Variants in MCFD2 observed in about 807,000 individuals in gnomAD.
MCFD2 encodes multiple coagulation factor deficiency 2, ER cargo receptor complex subunit, also known as multiple coagulation factor deficiency protein 2.
In MCFD2, 11 loss-of-function variants were observed where a neutral mutation model predicts 12.8. That is an observed-to-expected ratio of 0.86 (90% CI 0.54 to 1.42). MCFD2 has a LOEUF of 1.42. Ranked by LOEUF, MCFD2 falls within the 40% of genes most tolerant of loss-of-function variation. MCFD2 has a pLI of 0.00. For synonymous variants in MCFD2, 70 were observed against 68.1 expected, an observed-to-expected ratio of 1.03 and a Z score of -0.14; for missense variants, 191 against 178.6, an observed-to-expected ratio of 1.07 and a Z score of -0.40.
intron 1 of MCFD2, among the ~76,000 whole-genome samples, chr2:46,932,305 T>C (rs370489204): frequency 3.3e-5 from 5 of 152,028 alleles, no homozygotes; most frequent in East Asian, 3.9e-4. Flanking sequence ...GCCCCCACCA[T>C]ACTTGGCTAA....
chr2:46,938,861 A>G (rs1572663252), intron 1 of MCFD2, among the ~76,000 whole-genome samples: 1 of 152,160 alleles, frequency 6.6e-6, no homozygotes, highest in Admixed American at 6.5e-5. Context: ...AAATACAAAA[A>G]TTAGCTGAGC....
Position 46,902,712 on chromosome 2 carries a change from G to A in MCFD2, c.*2751C>T, listed in dbSNP as rs1255790114. 6.6e-6 allele frequency: 1 copy of A among 152,482 alleles called. No individual in the cohort carries two copies. Among genetic ancestry groups the A allele is most frequent in the Non-Finnish European group, 1.5e-5 (1 of 68,044 alleles). The allele number at this position is 152,482 out of a possible 1,614,324, so 9.4% of individuals were successfully genotyped here. A position where few individuals can be genotyped will look rare whatever the true frequency, so the allele number is the denominator to read the frequency against. On this transcript the variant is annotated 3_prime_UTR_variant, in exon 4 of 4. Coordinates refer to ENST00000319466, the MANE Select transcript of MCFD2 (RefSeq NM_139279.6). ...TCTGTGGCTAGGCTGACATTCTTAT[G>A]CTGTGGCTTTGAAATAGCCTAATAA...
intron 1 of MCFD2, among the ~76,000 whole-genome samples, chr2:46,933,190 C>T (rs2103848625): frequency 6.6e-6 from 1 of 152,162 alleles, no homozygotes; most frequent in African/African-American, 2.4e-5. Flanking sequence ...ACATAGAAGC[C>T]ACTAACAAGA....
At chr2:46,924,693 C>A (rs1669292892) in intron 1 of MCFD2, among the ~76,000 whole-genome samples, 1 of 152,056 alleles carries the variant, frequency 6.6e-6, no homozygotes, top group Admixed American at 6.6e-5. Context: ...GTGGTGCGAT[C>A]TCAGCACACT....
At chr2:46,910,236 G>A (rs924988933) in intron 1 of MCFD2, among the ~76,000 whole-genome samples, 1 of 152,162 alleles carries the variant, frequency 6.6e-6, no homozygotes, top group Non-Finnish European at 1.5e-5. Context: ...AGTATTACCC[G>A]CCAAGGGTCA....
In MCFD2 at chr2:46,921,168, C is replaced by A. The variant is rs906370761; in HGVS notation, c.-7-13199G>T. On this transcript the variant is annotated intron_variant, in intron 1 of 2. Coordinates refer to the MCFD2 transcript ENST00000409147. ...CTTTAGTATATTCATTATACTAGAG[C>A]TTTAAGCCGTTAGAGAACAAGATAT... 4.6e-5 allele frequency among the ~76,000 whole-genome samples: 7 copies of A among 152,208 alleles called. No homozygotes were observed. In the South Asian group the frequency reaches 1.5e-3, roughly 32 times the overall value.
Position 46,941,441 on chromosome 2 carries a change from C to T in MCFD2, c.-8+131G>A. 4 of 1,291,662 alleles carry T rather than the reference C, an allele frequency of 3.1e-6. No homozygotes were observed. Among genetic ancestry groups the T allele is most frequent in the Non-Finnish European group, 4.0e-6 (4 of 1,002,048 alleles). The allele number at this position is 1,291,662 out of a possible 1,614,324, so 80.0% of individuals were successfully genotyped here. On this transcript the variant is annotated intron_variant, in intron 1 of 2. Transcript: ENST00000409147. This position sits in a 1 kb window ranked among gnomAD's most constrained non-coding sequence, Gnocchi z 4.2. ...GCCCGGGCCCCGGCTGCCGTCTGCG[C>T]CCCCGTCGACCCCGCCCGCGAGTGC... is the stretch of plus-strand genomic sequence containing the variant.
Position 46,907,689 on chromosome 2 carries a change from G to A in MCFD2, c.309+121C>T. 9.2e-7 allele frequency: 1 copy of A among 1,081,884 alleles called. No homozygotes were observed. The highest frequency in any genetic ancestry group is 1.4e-6 in the Non-Finnish European group (1 of 714,082). The allele number at this position is 1,081,884 out of a possible 1,614,324, so 67.0% of individuals were successfully genotyped here. ...TGGGATTACAGATGCGAGCCATCAT[G>A]CCCAGTGGAGAAGCAGCACTCTTGG... On this transcript the variant is annotated intron_variant, in intron 3 of 3. Transcript: ENST00000319466. The surrounding 1 kb of genome is among the most constrained non-coding windows in gnomAD (Gnocchi z 4.1).
chr2:46,935,861 G>A (rs1200671649), intron 1 of MCFD2, among the ~76,000 whole-genome samples: 1 of 152,110 alleles, frequency 6.6e-6, no homozygotes, highest in Non-Finnish European at 1.5e-5. Flanking sequence ...AGGCTGAGGT[G>A]GGAGGATTGC....
chr2:46,935,498 C>CT (rs566493262), intron 1 of MCFD2, among the ~76,000 whole-genome samples: 59 of 152,340 alleles, frequency 3.9e-4, no homozygotes, highest in African/African-American at 1.3e-3. Context: ...TGCTATGACT[C>CT]TGTCAGGGTA....
chr2:46,933,064 A>T (rs1669797036), intron 1 of MCFD2, among the ~76,000 whole-genome samples: 1 of 152,186 alleles, frequency 6.6e-6, no homozygotes. Flanking sequence ...GTGGGTTGGG[A>T]TGGCTTCTCT....
At chr2:46,912,948 G>A (rs1668543252) in intron 1 of MCFD2, among the ~76,000 whole-genome samples, 1 of 152,122 alleles carries the variant, frequency 6.6e-6, no homozygotes, top group Non-Finnish European at 1.5e-5. Flanking sequence ...ATCTATCATG[G>A]AACTCATGGC....
At chr2:46,917,200 T>C, upstream of MCFD2, 2 of 701,224 alleles carry the variant, frequency 2.9e-6, no homozygotes, top group Non-Finnish European at 5.2e-6. Flanking sequence ...GTCTCCATGG[T>C]GCCCAGCTCG....
chr2:46,936,037 G>A (rs1669960106), intron 1 of MCFD2, among the ~76,000 whole-genome samples: 1 of 152,126 alleles, frequency 6.6e-6, no homozygotes, highest in Admixed American at 6.5e-5. Flanking sequence ...GCTGCAGTGA[G>A]CTATGATTGC....
upstream of MCFD2, among the ~76,000 whole-genome samples, chr2:46,918,262 C>A (rs543395396): frequency 6.6e-6 from 1 of 152,352 alleles, no homozygotes; most frequent in Admixed American, 6.5e-5. Context: ...ATTCTACGAG[C>A]TGTTTTTGAT....
In MCFD2 at chr2:46,940,627, T is replaced by C. The variant is rs1670248124; in HGVS notation, c.-8+945A>G. On this transcript the variant is annotated intron_variant, in intron 1 of 2. Coordinates refer to the MCFD2 transcript ENST00000409147. This position sits in a 1 kb window ranked among gnomAD's most constrained non-coding sequence, Gnocchi z 4.7. ...TTTAAGAAATCCAGGGCAACAGAGA[T>C]TCCACAGAGGACAGGTCAACGGGTT... Among the ~76,000 whole-genome samples, 1 of 152,198 alleles carries C rather than the reference T, an allele frequency of 6.6e-6. No individual in the cohort carries two copies. The highest frequency in any genetic ancestry group is 1.5e-5 in the Non-Finnish European group (1 of 68,042).
chr2:46,917,540 G>T (rs972491668), upstream of MCFD2, among the ~76,000 whole-genome samples: 2 of 152,190 alleles, frequency 1.3e-5, no homozygotes, highest in African/African-American at 4.8e-5. Flanking sequence ...TAAGACAAAT[G>T]AAGTGTCAAG....
chr2:46,919,154 C>T (rs1173104536), upstream of MCFD2, among the ~76,000 whole-genome samples: 2 of 152,256 alleles, frequency 1.3e-5, no homozygotes, highest in Non-Finnish European at 2.9e-5. Flanking sequence ...TTTCAATTTA[C>T]ACCTTTTAGT....
rs1389144124 is a variant in MCFD2, at chr2:46,937,944, GAA to G, written c.-8+3626_-8+3627del. 2.6e-5 allele frequency among the ~76,000 whole-genome samples: 4 copies of G among 152,182 alleles called. No homozygotes were observed. The highest frequency in any genetic ancestry group is 4.4e-5 in the Non-Finnish European group (3 of 68,044). ...ACTGTGTATATATATGTAAAAGAGAGAAGTCTGATGGAGACTTCAGGGCTAGG... is the reference window on the plus strand; with the variant it reads ...ACTGTGTATATATATGTAAAAGAGAGGTCTGATGGAGACTTCAGGGCTAGG... On this transcript the variant is annotated intron_variant, in intron 1 of 2. Coordinates refer to the MCFD2 transcript ENST00000409147. This position sits in a 1 kb window ranked among gnomAD's most constrained non-coding sequence, Gnocchi z 4.0.
Sources: allele counts gnomAD v4.1 joint callset (sites outside exome capture counted in the v4.1 genomes callset), GRCh38; gene constraint gnomAD v4.1.1; non-coding constraint Gnocchi (gnomAD v3.1); transcripts MANE v1.5; gene names NCBI Gene and HGNC (gene_info 2026-07-23, HGNC 2026-07-21).